WDFY4: variants seen among roughly 807,000 people sequenced by gnomAD.
WDFY4 encodes WDFY family member 4.
Under a neutral mutation model 351.9 loss-of-function variants are expected in WDFY4, and 169 were observed. The observed-to-expected ratio is 0.48, with a 90% CI of 0.42 to 0.55. WDFY4 has a LOEUF of 0.55. WDFY4 is among the 20% of genes least tolerant of loss of function. The pLI, the probability that WDFY4 is intolerant of heterozygous loss-of-function variation, is 0.00. For synonymous variants in WDFY4, 1,622 were observed against 1,574.6 expected (o/e 1.03, Z -0.71); for missense variants, 3,803 against 3,935.6 (o/e 0.97, Z 0.90).
intron 15 of WDFY4, 68 bp downstream of exon 15, chr10:48,775,874 G>T (rs577007508): frequency 5.0e-6 from 7 of 1,394,110 alleles, no homozygotes; most frequent in African/African-American, 1.4e-5. Flanking sequence ...CCTGCTGAGG[G>T]ATCCTTTACA....
chr10:48,739,186 A>G (rs748997265), intron 11 of WDFY4, among the ~76,000 whole-genome samples: 1 of 152,252 alleles, frequency 6.6e-6, no homozygotes, highest in Non-Finnish European at 1.5e-5. Flanking sequence ...TATGAGGAAT[A>G]ACAAATAATA....
intron 14 of WDFY4, 27 bp downstream of exon 14, chr10:48,774,699 G>A (rs367933743): frequency 9.7e-5 from 150 of 1,550,894 alleles, no homozygotes; most frequent in African/African-American, 7.5e-4. Context: ...ATTCAGTGCC[G>A]CCAAGCTGGG....
Position 48,767,376 on chromosome 10 carries a change from G to A in WDFY4, c.2553+6936G>A, listed in dbSNP as rs183358293. 3.0e-3 allele frequency among the ~76,000 whole-genome samples: 458 copies of A among 152,270 alleles called. 2 individuals carry two copies. Among genetic ancestry groups the A allele is most frequent in the Non-Finnish European group, 4.8e-3 (326 of 68,012 alleles). On this transcript the variant is annotated intron_variant, in intron 13 of 61. Transcript: ENST00000325239. ...GCTCTGACAGTCTGTGTTCTGGGTC[G>A]TGGTATATAAAATTCTGAAACTATT...
chr10:48,805,129 A>G lies in WDFY4; in HGVS notation c.4485-131A>G, dbSNP rs189287051. 1.2e-4 allele frequency: 133 copies of G among 1,109,396 alleles called. 1 individual carries two copies. The African/African-American group carries it at 1.2e-3, about 10-fold the overall frequency. 68.7% of individuals were successfully genotyped at this position (1,109,396 alleles called of 1,614,324 possible). A position where few individuals can be genotyped will look rare whatever the true frequency, so the allele number is the denominator to read the frequency against. On this transcript the variant is annotated intron_variant, in intron 25 of 61. Transcript: ENST00000325239. ...ATGGGTGTCTGACGGCATCTTGACA[A>G]ATTGCCAAGAGAGCATTGGAGTTAA...
chr10:48,734,053 T>C lies in WDFY4; in HGVS notation c.1687+18T>C. ...GAATGCAGGTAAGGATGGTGCCAAGTTTGCCTCATCACTGCTTGGTAAAAC... is the reference window on the plus strand; with the variant it reads ...GAATGCAGGTAAGGATGGTGCCAAGCTTGCCTCATCACTGCTTGGTAAAAC... On this transcript the variant is annotated intron_variant, in intron 10 of 61. Coordinates refer to ENST00000325239, the MANE Select transcript of WDFY4 (RefSeq NM_001394531.1). 6.5e-7 allele frequency: 1 copy of C among 1,549,662 alleles called. No homozygotes were observed. Among genetic ancestry groups the C allele is most frequent in the Non-Finnish European group, 8.7e-7 (1 of 1,144,942 alleles).
intron 1 of WDFY4, among the ~76,000 whole-genome samples, chr10:48,701,215 TA>T (rs1482955436): frequency 2.6e-5 from 4 of 152,260 alleles, no homozygotes; most frequent in Non-Finnish European, 5.9e-5. Context: ...TCACTTTGTA[TA>T]ATTCTCTCAG....
intron 45 of WDFY4, among the ~76,000 whole-genome samples, chr10:48,899,443 A>G (rs1446434030): frequency 1.3e-5 from 2 of 152,072 alleles, no homozygotes; most frequent in African/African-American, 2.4e-5. Flanking sequence ...GGACTCTGCT[A>G]TTGGGTGCAG....
At chr10:48,958,251 C>T (rs952731938) in intron 52 of WDFY4, among the ~76,000 whole-genome samples, 1 of 152,198 alleles carries the variant, frequency 6.6e-6, no homozygotes, top group Non-Finnish European at 1.5e-5. Context: ...TGAGTCTGAC[C>T]TATGGAACCT....
Position 48,787,905 on chromosome 10 carries a change from T to C in WDFY4, c.3809-625T>C, listed in dbSNP as rs185131980. Among the ~76,000 whole-genome samples the C allele has an allele frequency of 2.7e-3, 84 of 31,460 alleles. 3 individuals are homozygous for C. The highest frequency in any genetic ancestry group is 0.013 in the African/African-American group (67 of 5,344). The allele number at this position is 31,460 out of a possible 152,430, so 20.6% of individuals were successfully genotyped here. A position where few individuals can be genotyped will look rare whatever the true frequency, so the allele number is the denominator to read the frequency against. Reference sequence around the variant, plus strand: ...TTCTTCTTCTTCTCCTTCTTCTTCTTCTTCTTCTTCTTCTTCTTCTTCTTC... The same window carrying C: ...TTCTTCTTCTTCTCCTTCTTCTTCTCCTTCTTCTTCTTCTTCTTCTTCTTC... On this transcript the variant is annotated intron_variant, in intron 20 of 61. Coordinates refer to ENST00000325239, the MANE Select transcript of WDFY4 (RefSeq NM_001394531.1).
At chr10:48,863,106 G>C (rs917774892) in intron 39 of WDFY4, among the ~76,000 whole-genome samples, 1 of 152,040 alleles carries the variant, frequency 6.6e-6, no homozygotes, top group Admixed American at 6.5e-5. Flanking sequence ...ATCAGTTGGT[G>C]GACATTTAGG....
intron 61 of WDFY4, 59 bp from the exon 62 acceptor site, chr10:48,982,450 T>C: frequency 7.1e-7 from 1 of 1,410,720 alleles, no homozygotes. Flanking sequence ...TCCCATGTGC[T>C]GGCGGGGACA....
At chr10:48,943,186 G>C in intron 48 of WDFY4, 144 bp from the exon 49 acceptor site, 1 of 853,564 alleles carries the variant, frequency 1.2e-6, no homozygotes, top group East Asian at 2.8e-5. Flanking sequence ...TCATGCATGA[G>C]ATGTGCACAA....
chr10:48,947,656 A>G (rs1841116971), intron 51 of WDFY4, among the ~76,000 whole-genome samples: 1 of 152,158 alleles, frequency 6.6e-6, no homozygotes, highest in Non-Finnish European at 1.5e-5. Context: ...AGAGTCTTTC[A>G]TGGGCAGTGC....
Position 48,803,278 on chromosome 10 carries a change from T to C in WDFY4, c.4411-8T>C, listed in dbSNP as rs1457121956. 2.6e-6 allele frequency: 4 copies of C among 1,551,760 alleles called. No individual in the cohort carries two copies. The African/African-American group carries it at 5.5e-5, about 21-fold the overall frequency. ...TCATTTTAGCATGTGTTTTGTTTTG[T>C]CTTCCAGCTCTGGATGAATACTGCA... On this transcript the variant is annotated splice_polypyrimidine_tract_variant and splice_region_variant and intron_variant, in intron 24 of 61. Coordinates refer to ENST00000325239, the MANE Select transcript of WDFY4 (RefSeq NM_001394531.1).
At chr10:48,913,102 G>A (rs116109383) in intron 47 of WDFY4, among the ~76,000 whole-genome samples, 2,489 of 152,334 alleles carry the variant, frequency 0.016, 72 homozygotes, top group African/African-American at 0.055. Flanking sequence ...AGACAAGAGA[G>A]ATCTGGGGGC....
At chr10:48,742,914 C>T in intron 11 of WDFY4, 54 bp from the exon 12 acceptor site, 3 of 1,469,382 alleles carry the variant, frequency 2.0e-6, no homozygotes, top group Non-Finnish European at 2.7e-6. Context: ...TGTGTGGGCT[C>T]AGGGTTAATC....
intron 53 of WDFY4, among the ~76,000 whole-genome samples, chr10:48,960,994 T>G (rs1841834965): frequency 6.6e-6 from 1 of 152,224 alleles, no homozygotes; most frequent in African/African-American, 2.4e-5. Context: ...ATGTCTTGAC[T>G]GTGGTGATGG....
rs1406568883 is a variant in WDFY4, at chr10:48,787,910, T to C, written c.3809-620T>C. The stretch of plus-strand genomic sequence containing the variant: ...CTTCTTCTCCTTCTTCTTCTTCTTC[T>C]TCTTCTTCTTCTTCTTCTTCTTCTT... On this transcript the variant is annotated intron_variant, in intron 20 of 61. Transcript: ENST00000325239. Among the ~76,000 whole-genome samples, 75 of 40,786 alleles carry C rather than the reference T, an allele frequency of 1.8e-3. 4 individuals are homozygous for C. The highest frequency in any genetic ancestry group is 9.1e-3 in the African/African-American group (69 of 7,562). 26.8% of individuals were successfully genotyped at this position (40,786 alleles called of 152,430 possible). A position where few individuals can be genotyped will look rare whatever the true frequency, so the allele number is the denominator to read the frequency against.
At chr10:48,981,026 G>C (rs554102413) in intron 60 of WDFY4, among the ~76,000 whole-genome samples, 1 of 152,312 alleles carries the variant, frequency 6.6e-6, no homozygotes, top group South Asian at 2.1e-4. Context: ...GCAAGGTATT[G>C]TGGGGCATCT....
Sources: gnomAD v4.1 joint callset for allele counts (sites outside exome capture counted in the v4.1 genomes callset) on GRCh38, gnomAD v4.1.1 for gene constraint, MANE v1.5 for transcripts, NCBI Gene and HGNC (gene_info 2026-07-23, HGNC 2026-07-21) for gene names.